WWP1: variants seen among roughly 807,000 people sequenced by gnomAD.
WWP1 encodes the protein WW domain containing E3 ubiquitin protein ligase 1.
A neutral mutation model predicts 130.6 loss-of-function variants in WWP1; 49 were observed. The observed-to-expected ratio is 0.38, with a 90% CI of 0.30 to 0.48. The LOEUF (loss-of-function observed/expected upper bound fraction) is 0.48. Among genes scored for constraint, WWP1 ranks in the 20% least tolerant of loss-of-function variants. The pLI is 0.99. For synonymous variants in WWP1, 332 were observed against 367.8 expected (o/e 0.90, Z 1.11); for missense variants, 809 against 1,100.6 (o/e 0.74, Z 3.75).
intron 5 of WWP1, among the ~76,000 whole-genome samples, chr8:86,382,696 T>A (rs961936770): frequency 6.6e-6 from 1 of 152,186 alleles, no homozygotes; most frequent in Admixed American, 6.5e-5. Flanking sequence ...TGAGACTCCA[T>A]CTCAAACCCG....
rs982956219 is a variant in WWP1 at position 86,468,308 on chromosome 8, G to A, written c.*1415G>A. 2.3e-6 allele frequency: 1 copy of A among 426,858 alleles called. No homozygotes were observed. The highest frequency in any genetic ancestry group is 7.1e-5 in the East Asian group (1 of 14,102). The allele number at this position is 426,858 out of a possible 1,614,324, so 26.4% of individuals were successfully genotyped here. On this transcript the variant is annotated 3_prime_UTR_variant, in exon 25 of 25. Coordinates refer to ENST00000517970, the MANE Select transcript of WWP1 (RefSeq NM_007013.4). ...TTTTATTTTTCTACATATTGAGAGTGTGTTCTCCATTTTATTCAGAATTCA... is the reference window on the plus strand; with the variant it reads ...TTTTATTTTTCTACATATTGAGAGTATGTTCTCCATTTTATTCAGAATTCA...
intron 17 of WWP1, among the ~76,000 whole-genome samples, chr8:86,441,446 G>T (rs986721894): frequency 2.0e-5 from 3 of 152,350 alleles, no homozygotes; most frequent in African/African-American, 7.2e-5. Context: ...TTAACAGGCT[G>T]CCAGGCCAGA....
intron 20 of WWP1, among the ~76,000 whole-genome samples, chr8:86,449,330 A>G (rs577976654): frequency 2.0e-5 from 3 of 152,378 alleles, no homozygotes; most frequent in East Asian, 1.9e-4. Flanking sequence ...TCAGGAAAGA[A>G]CCAGGCAGTA....
chr8:86,382,227 T>G (rs898832441), intron 5 of WWP1, among the ~76,000 whole-genome samples: 4 of 152,192 alleles, frequency 2.6e-5, no homozygotes, highest in Non-Finnish European at 4.4e-5. Context: ...ACCATAAATA[T>G]TAAGTTTCCA....
chr8:86,438,973 G>C (rs1563534667), intron 17 of WWP1, among the ~76,000 whole-genome samples: 2 of 151,936 alleles, frequency 1.3e-5, no homozygotes, highest in Non-Finnish European at 1.5e-5. Context: ...TTTTTATATA[G>C]TGTGGGCATC....
At chr8:86,439,185 T>TA (rs1010354022) in intron 17 of WWP1, among the ~76,000 whole-genome samples, 19 of 151,416 alleles carry the variant, frequency 1.3e-4, no homozygotes, top group South Asian at 4.2e-4. Flanking sequence ...CTACTAAAAA[T>TA]AAAAAAAATT....
chr8:86,366,016 A>G (rs536484765), intron 1 of WWP1, among the ~76,000 whole-genome samples: 21 of 152,336 alleles, frequency 1.4e-4, no homozygotes, highest in African/African-American at 4.8e-4. Context: ...TTCTTGACAT[A>G]ACGTATGTGA....
intron 17 of WWP1, among the ~76,000 whole-genome samples, chr8:86,439,141 A>G (rs1461051654): frequency 6.6e-6 from 1 of 152,084 alleles, no homozygotes; most frequent in African/African-American, 2.4e-5. Flanking sequence ...CAGGAGATCG[A>G]GACCATCCTG....
At chr8:86,401,949 C>A in intron 7 of WWP1, 70 bp from the exon 8 acceptor site, 15 of 1,331,990 alleles carry the variant, frequency 1.1e-5, no homozygotes, top group South Asian at 6.2e-5. Flanking sequence ...TTAGTAAATC[C>A]TATGAAAATT....
At chr8:86,351,884 G>T (rs916244253) in intron 1 of WWP1, among the ~76,000 whole-genome samples, 1 of 152,140 alleles carries the variant, frequency 6.6e-6, no homozygotes, top group Non-Finnish European at 1.5e-5. Flanking sequence ...TATGGTCCTT[G>T]AGAGTGGAGC....
At chr8:86,439,070 G>C (rs1348568277) in intron 17 of WWP1, among the ~76,000 whole-genome samples, 1 of 151,984 alleles carries the variant, frequency 6.6e-6, no homozygotes, top group African/African-American at 2.4e-5. Flanking sequence ...AAGGCTGGAC[G>C]TGGTGGCTTA....
intron 18 of WWP1, among the ~76,000 whole-genome samples, chr8:86,445,120 G>T (rs1230993725): frequency 1.3e-5 from 2 of 152,104 alleles, no homozygotes; most frequent in African/African-American, 4.8e-5. Context: ...AACCAGCTCT[G>T]TAGGGAACTA....
intron 9 of WWP1, among the ~76,000 whole-genome samples, chr8:86,412,977 C>T (rs987281654): frequency 4.6e-5 from 7 of 152,042 alleles, no homozygotes; most frequent in African/African-American, 1.2e-4. Flanking sequence ...TAGAGGCACC[C>T]GCCACTATGC....
intron 3 of WWP1, among the ~76,000 whole-genome samples, chr8:86,376,094 G>A (rs1824632194): frequency 6.6e-6 from 1 of 152,136 alleles, no homozygotes; most frequent in Admixed American, 6.6e-5. Flanking sequence ...GAAGCTGATA[G>A]GTACTCCACT....
In WWP1 at chr8:86,433,896, CA is replaced by C. The variant is rs71574271; in HGVS notation, c.1602-1554del. 2.6e-5 allele frequency among the ~76,000 whole-genome samples: 4 copies of C among 151,202 alleles called. No homozygotes were observed. In the South Asian group the frequency reaches 8.4e-4, roughly 32 times the overall value. On this transcript the variant is annotated intron_variant, in intron 14 of 24. Coordinates refer to ENST00000517970, the MANE Select transcript of WWP1 (RefSeq NM_007013.4). ...TTGCACCATTGCACTCCAGCCTAGG[CA>C]ACAAGAGCGAAACTCCATCTTAGGA...
chr8:86,417,879 G>A (rs999637372), intron 9 of WWP1, among the ~76,000 whole-genome samples: 4 of 152,158 alleles, frequency 2.6e-5, no homozygotes, highest in African/African-American at 4.8e-5. Flanking sequence ...GGGCAGGAGA[G>A]CTCAAGGCTC....
chr8:86,381,641 G>T lies in WWP1; in HGVS notation c.334+12G>T. ...ACACAATAGAAAATGTAAGTTTTTT[G>T]TTCTGACCTTTATTTCCTTATAAGT... is the stretch of plus-strand genomic sequence containing the variant. On this transcript the variant is annotated intron_variant, in intron 5 of 24. Transcript: ENST00000517970. 1.9e-6 allele frequency: 3 copies of T among 1,569,918 alleles called. No homozygotes were observed. Among genetic ancestry groups the T allele is most frequent in the African/African-American group, 1.4e-5 (1 of 72,310 alleles).
At chr8:86,398,527 C>A in intron 6 of WWP1, 45 bp from the exon 7 acceptor site, 1 of 1,611,280 alleles carries the variant, frequency 6.2e-7, no homozygotes, top group South Asian at 1.1e-5. Context: ...AAAGAATAAG[C>A]AAGAAGTATA....
intron 20 of WWP1, among the ~76,000 whole-genome samples, chr8:86,449,677 G>T (rs1421228074): frequency 6.6e-6 from 1 of 152,146 alleles, no homozygotes; most frequent in East Asian, 1.9e-4. Flanking sequence ...ATTTTTCCTA[G>T]ATATTGCCTC....
Sources: gnomAD v4.1 joint callset for allele counts (sites outside exome capture counted in the v4.1 genomes callset) on GRCh38, gnomAD v4.1.1 for gene constraint, MANE v1.5 for transcripts, NCBI Gene and HGNC (gene_info 2026-07-23, HGNC 2026-07-21) for gene names.